The following CELF4 variants were observed in gnomAD, a reference collection of about 807,000 sequenced individuals.
CELF4 encodes CUG-BP- and ETR-3-like factor 4.
A neutral mutation model predicts 59.9 loss-of-function variants in CELF4; 18 were observed. The observed-to-expected ratio is 0.30, with a 90% CI of 0.21 to 0.45. The LOEUF is 0.45. Among genes scored for constraint, CELF4 ranks in the 20% least tolerant of loss-of-function variants. CELF4 has a pLI of 1.00. For synonymous variants in CELF4, 261 were observed against 267.1 expected, an observed-to-expected ratio of 0.98 and a Z score of 0.22; for missense variants, 456 against 689.0, an observed-to-expected ratio of 0.66 and a Z score of 3.79.
chr18:37,380,243 T>TC (rs2099021107), intron 2 of CELF4, among the ~76,000 whole-genome samples: 1 of 152,022 alleles, frequency 6.6e-6, no homozygotes, highest in South Asian at 2.1e-4. Flanking sequence ...CAAGCACCAC[T>TC]CCCCCAACTC....
At chr18:37,500,018 G>A (rs964511103) in intron 1 of CELF4, among the ~76,000 whole-genome samples, 5 of 152,176 alleles carry the variant, frequency 3.3e-5, no homozygotes, top group African/African-American at 1.2e-4. Flanking sequence ...CCTTCTCCTG[G>A]GTTGAGTAAG....
chr18:37,370,448 C>T (rs2098845715), intron 2 of CELF4, among the ~76,000 whole-genome samples: 1 of 152,150 alleles, frequency 6.6e-6, no homozygotes, highest in Admixed American at 6.5e-5. Context: ...AATCACAGAA[C>T]CCAGATGTCT....
chr18:37,508,586 C>G (rs1187202170), intron 1 of CELF4, among the ~76,000 whole-genome samples: 1 of 152,218 alleles, frequency 6.6e-6, no homozygotes, highest in East Asian at 1.9e-4. Flanking sequence ...TAGGGCATGC[C>G]TGTTCTCCAC....
intron 2 of CELF4, among the ~76,000 whole-genome samples, chr18:37,463,128 T>C (rs894163214): frequency 6.6e-6 from 1 of 152,144 alleles, no homozygotes; most frequent in African/African-American, 2.4e-5. Flanking sequence ...CTGATGTGAT[T>C]TGTAGATGCA....
At position 37,353,432 on chromosome 18, in the gene CELF4, G is replaced by A. The variant is rs948252124; in HGVS notation, c.370-31551C>T. On this transcript the variant is annotated intron_variant, in intron 2 of 12. Transcript: ENST00000420428. Reference sequence around the variant, plus strand: ...TGGCTTGGGTGCTGAGGAGAGCAGTGGATGTGGGGGAAGGGGAGGTTGGTG... The same window carrying A: ...TGGCTTGGGTGCTGAGGAGAGCAGTAGATGTGGGGGAAGGGGAGGTTGGTG... 6.6e-5 allele frequency among the ~76,000 whole-genome samples: 10 copies of A among 151,498 alleles called. No homozygotes were observed. In the South Asian group the frequency reaches 2.1e-3, roughly 32 times the overall value.
intron 2 of CELF4, among the ~76,000 whole-genome samples, chr18:37,379,338 A>G (rs550517812): frequency 6.6e-6 from 1 of 152,078 alleles, no homozygotes; most frequent in East Asian, 1.9e-4. Flanking sequence ...TGCCATCCTA[A>G]AAGGGATTGG....
chr18:37,524,679 C>T (rs1156395454), intron 1 of CELF4, among the ~76,000 whole-genome samples: 2 of 152,240 alleles, frequency 1.3e-5, no homozygotes, highest in Non-Finnish European at 2.9e-5. Context: ...GAAAATAAGA[C>T]GCGGGGCCAA....
intron 2 of CELF4, among the ~76,000 whole-genome samples, chr18:37,381,539 C>T (rs1428291182): frequency 1.3e-5 from 2 of 152,152 alleles, no homozygotes; most frequent in African/African-American, 2.4e-5. Flanking sequence ...TTCACATGAA[C>T]ATTCCTTTAG....
chr18:37,275,347 A>G lies in CELF4; in HGVS notation c.449-104T>C, dbSNP rs1601884483. ...CGGCAGGGAAAGGGAGGAGCCGGGGAGGCGGGGCGGGGGCTCGGAGCCGGC... is the reference window on the plus strand; with the variant it reads ...CGGCAGGGAAAGGGAGGAGCCGGGGGGGCGGGGCGGGGGCTCGGAGCCGGC... On this transcript the variant is annotated intron_variant, in intron 3 of 12. Transcript: ENST00000420428. 11 of 715,960 alleles carry G rather than the reference A, an allele frequency of 1.5e-5. No homozygotes were observed. In the South Asian group the frequency reaches 2.8e-4, roughly 18 times the overall value. The allele number at this position is 715,960 out of a possible 1,614,324, so 44.4% of individuals were successfully genotyped here.
intron 3 of CELF4, 89 bp from the exon 4 acceptor site, chr18:37,275,332 A>AT (rs2154363554): frequency 9.4e-7 from 1 of 1,058,386 alleles, no homozygotes; most frequent in South Asian, 2.4e-5. Context: ...CGGCAGGGAA[A>AT]GGGAGGAGCC....
chr18:37,301,063 G>A (rs1168971167), intron 3 of CELF4, among the ~76,000 whole-genome samples: 1 of 152,160 alleles, frequency 6.6e-6, no homozygotes, highest in Non-Finnish European at 1.5e-5. Flanking sequence ...TGGGGCAGGA[G>A]ACACAGGAGG....
chr18:37,321,802 C>G lies in CELF4; in HGVS notation c.448+1G>C. ...AGGGGCAGAGACAAGTGGGCCCTCA[C>G]GTGAAGGGGGCTGGCGCAGGCAGCT... is the stretch of plus-strand genomic sequence containing the variant. On this transcript the variant is annotated splice_donor_variant, in intron 3 of 12. Coordinates refer to ENST00000420428, the MANE Select transcript of CELF4 (RefSeq NM_020180.4). LOFTEE classifies it high-confidence loss of function. 1 of 1,608,766 alleles carries G rather than the reference C, an allele frequency of 6.2e-7. No homozygotes were observed. The highest frequency in any genetic ancestry group is 1.3e-5 in the African/African-American group (1 of 74,928).
intron 2 of CELF4, among the ~76,000 whole-genome samples, chr18:37,426,715 C>T (rs2099615309): frequency 6.6e-6 from 1 of 152,154 alleles, no homozygotes. Flanking sequence ...GCCCTGTTCC[C>T]TTAAAAGTCT....
chr18:37,264,563 C>G, intron 10 of CELF4, 111 bp downstream of exon 10: 2 of 872,384 alleles, frequency 2.3e-6, no homozygotes, highest in Non-Finnish European at 3.7e-6. Flanking sequence ...CAACACAGCA[C>G]ACAAACGTGG....
chr18:37,314,665 C>CT (rs1336310111), intron 3 of CELF4, among the ~76,000 whole-genome samples: 1 of 145,442 alleles, frequency 6.9e-6, no homozygotes, highest in East Asian at 1.9e-4. Context: ...CCTGCCAGGG[C>CT]CCCCTTCCTG....
chr18:37,529,928 AC>A (rs892924558), intron 1 of CELF4, among the ~76,000 whole-genome samples: 233 of 152,330 alleles, frequency 1.5e-3, no homozygotes, highest in African/African-American at 5.1e-3. Flanking sequence ...CTGAGGGGCT[AC>A]TGTGAATGGT....
intron 12 of CELF4, among the ~76,000 whole-genome samples, chr18:37,249,493 C>G (rs1279194746): frequency 6.6e-6 from 1 of 152,146 alleles, no homozygotes; most frequent in Non-Finnish European, 1.5e-5. Context: ...TAGCACACAG[C>G]CCCTGTCCCT....
chr18:37,522,633 GA>G (rs1398565761), intron 1 of CELF4, among the ~76,000 whole-genome samples: 2 of 152,170 alleles, frequency 1.3e-5, no homozygotes, highest in Non-Finnish European at 2.9e-5. Context: ...AGGAAACAAT[GA>G]GGGGAATTTT....
chr18:37,475,703 A>C (rs2099846951), intron 2 of CELF4, among the ~76,000 whole-genome samples: 1 of 152,134 alleles, frequency 6.6e-6, no homozygotes, highest in African/African-American at 2.4e-5. Flanking sequence ...AGTTGATTGG[A>C]GCCTACAGGC....
Sources: gnomAD v4.1 joint callset for allele counts (sites outside exome capture counted in the v4.1 genomes callset) on GRCh38, gnomAD v4.1.1 for gene constraint, MANE v1.5 for transcripts, NCBI Gene and HGNC (gene_info 2026-07-23, HGNC 2026-07-21) for gene names.